CBFB: variants seen among roughly 807,000 people sequenced by gnomAD.
CBFB encodes the protein core-binding factor subunit beta.
In CBFB, 9 loss-of-function variants were observed where a neutral mutation model predicts 30.4. The observed-to-expected ratio is 0.30, with a 90% CI of 0.18 to 0.52. The LOEUF is 0.52. Among genes scored for constraint, CBFB ranks in the 20% least tolerant of loss-of-function variants. The pLI is 0.97. For missense variants in CBFB, 170 were observed against 244.0 expected (o/e 0.70, Z 2.02); for synonymous variants, 94 against 84.0 (o/e 1.12, Z -0.65).
At chr16:67,037,400 G>A (rs931963106) in intron 3 of CBFB, among the ~76,000 whole-genome samples, 1 of 152,070 alleles carries the variant, frequency 6.6e-6, no homozygotes, top group African/African-American at 2.4e-5. Flanking sequence ...ACGGAAAAAA[G>A]CTCTCTAGGT....
chr16:67,089,177 T>C (rs1395312421), intron 5 of CBFB, among the ~76,000 whole-genome samples: 1 of 152,226 alleles, frequency 6.6e-6, no homozygotes, highest in East Asian at 1.9e-4. Context: ...AAGCATTGTT[T>C]ATGTTAGTAA....
chr16:67,046,256 G>A (rs990732789), intron 3 of CBFB, among the ~76,000 whole-genome samples: 7 of 151,776 alleles, frequency 4.6e-5, no homozygotes, highest in Non-Finnish European at 7.4e-5. Context: ...ACAGGCACGC[G>A]CCACCATGCC....
chr16:67,049,884 T>C (rs978537189), intron 3 of CBFB, among the ~76,000 whole-genome samples: 11 of 152,102 alleles, frequency 7.2e-5, no homozygotes, highest in African/African-American at 2.2e-4. Context: ...AACTGTTTAA[T>C]TTTAGAACAT....
chr16:67,058,499 A>G (rs2145740647), intron 3 of CBFB, among the ~76,000 whole-genome samples: 1 of 152,284 alleles, frequency 6.6e-6, no homozygotes, highest in African/African-American at 2.4e-5. Context: ...GTTAATGAGC[A>G]GTGCTATTGT....
chr16:67,095,485 C>T (rs1962021137), intron 5 of CBFB, among the ~76,000 whole-genome samples: 1 of 152,150 alleles, frequency 6.6e-6, no homozygotes. Flanking sequence ...TCACTGCGCT[C>T]CAGCCTGGCG....
chr16:67,088,154 C>T (rs960818591), intron 5 of CBFB, among the ~76,000 whole-genome samples: 3 of 152,198 alleles, frequency 2.0e-5, no homozygotes, highest in Non-Finnish European at 2.9e-5. Context: ...TGGAATCTGA[C>T]TCCAGCACAT....
chr16:67,036,508 T>G, intron 2 of CBFB, 131 bp from the exon 3 acceptor site: 2 of 557,394 alleles, frequency 3.6e-6, no homozygotes, highest in Non-Finnish European at 6.6e-6. Flanking sequence ...TGAGTGCATG[T>G]TTTTTTTTAC....
chr16:67,053,214 A>G (rs892164982), intron 3 of CBFB, among the ~76,000 whole-genome samples: 1 of 150,228 alleles, frequency 6.7e-6, no homozygotes, highest in African/African-American at 2.4e-5. Context: ...ACTTCAGGGC[A>G]GTGTAAACAA....
intron 5 of CBFB, among the ~76,000 whole-genome samples, chr16:67,097,072 A>T (rs1962069662): frequency 6.6e-6 from 1 of 152,000 alleles, no homozygotes; most frequent in Non-Finnish European, 1.5e-5. Flanking sequence ...CTGTCTCTAC[A>T]AAGAATACAA....
intron 5 of CBFB, 176 bp downstream of exon 5, chr16:67,082,484 A>G: frequency 1.7e-6 from 1 of 604,074 alleles, no homozygotes; most frequent in Non-Finnish European, 2.6e-6. Flanking sequence ...AAAGAAATTT[A>G]TTTTAATTTT....
rs903752831 is a variant in CBFB, at chr16:67,072,510, C to T, written c.399+5712C>T. Among the ~76,000 whole-genome samples, 9 of 151,476 alleles carry T rather than the reference C, an allele frequency of 5.9e-5. No individual in the cohort carries two copies. In the South Asian group the frequency reaches 1.0e-3, roughly 18 times the overall value. On this transcript the variant is annotated intron_variant, in intron 4 of 5. Transcript: ENST00000412916. The stretch of plus-strand genomic sequence containing the variant: ...CAGACAGAGTCTTGCTCTCTCACCC[C>T]GGCTGGAGTGCAATGGCACAATCTG...
At chr16:67,097,877 A>G (rs1236837578) in intron 5 of CBFB, among the ~76,000 whole-genome samples, 1 of 152,078 alleles carries the variant, frequency 6.6e-6, no homozygotes, top group Non-Finnish European at 1.5e-5. Context: ...GTAATGTGCT[A>G]TGTTCGTACC....
At chr16:67,058,561 A>T (rs1030797123) in intron 3 of CBFB, among the ~76,000 whole-genome samples, 3 of 152,202 alleles carry the variant, frequency 2.0e-5, no homozygotes, top group African/African-American at 7.2e-5. Flanking sequence ...TGAACTCATC[A>T]TATATCCCCA....
chr16:67,033,816 G>GTT (rs1966397322), intron 2 of CBFB, among the ~76,000 whole-genome samples: 12 of 111,166 alleles, frequency 1.1e-4, no homozygotes, highest in African/African-American at 5.2e-4. Context: ...GAGTTTCACC[G>GTT]TTGTTTTTTT....
Position 67,029,198 on chromosome 16 carries a change from G to T in CBFB, c.-210G>T. On this transcript the variant is annotated 5_prime_UTR_variant, in exon 1 of 6. Coordinates refer to ENST00000412916, the MANE Select transcript of CBFB (RefSeq NM_022845.3). ...GGCAGGCAACGGCTGAGGCGGCGGC[G>T]GCGGCGGCGGCGGCGTGGGTTGGGC... 1 of 217,122 alleles carries T rather than the reference G, an allele frequency of 4.6e-6. No individual in the cohort carries two copies. Among genetic ancestry groups the T allele is most frequent in the Non-Finnish European group, 8.6e-6 (1 of 116,854 alleles). 13.4% of individuals were successfully genotyped at this position (217,122 alleles called of 1,614,324 possible).
At chr16:67,075,060 C>T (rs1446122718) in intron 4 of CBFB, among the ~76,000 whole-genome samples, 1 of 151,984 alleles carries the variant, frequency 6.6e-6, no homozygotes, top group Non-Finnish European at 1.5e-5. Flanking sequence ...TATGGTGGCA[C>T]ACACCTATAA....
intron 4 of CBFB, among the ~76,000 whole-genome samples, chr16:67,079,426 G>A (rs1037674933): frequency 1.3e-5 from 2 of 151,310 alleles, no homozygotes; most frequent in African/African-American, 2.4e-5. Flanking sequence ...GACAAATAAA[G>A]GATTTATCAC....
intron 5 of CBFB, among the ~76,000 whole-genome samples, chr16:67,094,168 G>A (rs1194221560): frequency 6.8e-6 from 1 of 147,672 alleles, no homozygotes; most frequent in Non-Finnish European, 1.5e-5. Context: ...TATGTTGGCC[G>A]GGGTGGTCTG....
At chr16:67,042,970 A>G (rs1024515964) in intron 3 of CBFB, among the ~76,000 whole-genome samples, 1 of 152,148 alleles carries the variant, frequency 6.6e-6, no homozygotes. Context: ...TCCTAACATC[A>G]GGTGATCTGC....
Sources: gnomAD v4.1 joint callset for allele counts (sites outside exome capture counted in the v4.1 genomes callset) on GRCh38, gnomAD v4.1.1 for gene constraint, MANE v1.5 for transcripts, NCBI Gene and HGNC (gene_info 2026-07-23, HGNC 2026-07-21) for gene names.